LMF1: variants seen among roughly 807,000 people sequenced by gnomAD.
LMF1 encodes the protein lipase maturation factor 1.
Under a neutral mutation model 60.6 loss-of-function variants are expected in LMF1, and 68 were observed. The observed-to-expected ratio is 1.12, with a 90% CI of 0.92 to 1.37. The LOEUF is 1.37. Ranked by LOEUF, LMF1 falls within the 40% of genes most tolerant of loss-of-function variation. The pLI is 0.00. For missense variants in LMF1, 948 were observed against 767.2 expected (o/e 1.24, Z -2.78); for synonymous variants, 418 against 324.7 (o/e 1.29, Z -3.09).
intron 2 of LMF1, among the ~76,000 whole-genome samples, chr16:948,273 C>CAGCCAACGACAGAGTCAG (rs1208986325): frequency 6.7e-6 from 1 of 149,944 alleles, no homozygotes; most frequent in South Asian, 2.1e-4. Context: ...ACGACAGAGT[C>CAGCCAACGACAGAGTCAG]AGCCAACGAC....
At chr16:858,325 TGGGTGTGAGTGGTGTCTCGGGAC>T (rs2069276864) in intron 10 of LMF1, among the ~76,000 whole-genome samples, 1 of 24,544 alleles carries the variant, frequency 4.1e-5, no homozygotes, top group African/African-American at 2.7e-4. Context: ...TGTCTCGGGA[TGGGTGTGAGTGGTGTCTCGGGAC>T]GGGTGTGCAG....
chr16:974,964 C>G (rs896460271), upstream of LMF1, among the ~76,000 whole-genome samples: 1 of 152,228 alleles, frequency 6.6e-6, no homozygotes, highest in African/African-American at 2.4e-5. Context: ...GTTGCCTCCT[C>G]CTGGAAGGGT....
rs373943083 is a variant in LMF1 at position 893,029 on chromosome 16, G to T, written c.707C>A (p.Thr236Asn). Residue 236 changes from threonine to asparagine, a missense_variant, in exon 5 of 11, where the codon ACC becomes AAC. Coordinates refer to ENST00000262301, the MANE Select transcript of LMF1 (RefSeq NM_022773.4). ...IRGDRCWRDL[T>N]CMDFHYETQP... Reference sequence around the variant, plus strand: ...CACCTCATAGTGGAAGTCCATGCAGGTGAGGTCTCGCCAGCACCGGTCCCC... The same window carrying T: ...CACCTCATAGTGGAAGTCCATGCAGTTGAGGTCTCGCCAGCACCGGTCCCC... 3.9e-6 allele frequency: 6 copies of T among 1,551,456 alleles called. No homozygotes were observed. The highest frequency in any genetic ancestry group is 5.2e-6 in the Non-Finnish European group (6 of 1,147,560).
intron 3 of LMF1, among the ~76,000 whole-genome samples, chr16:918,449 G>A (rs544395792): frequency 3.3e-5 from 5 of 152,346 alleles, no homozygotes; most frequent in Admixed American, 2.0e-4. Context: ...ATTAGACTTC[G>A]CGGCAAAGAG....
chr16:867,794 C>T (rs747325229), intron 10 of LMF1, among the ~76,000 whole-genome samples: 1 of 152,116 alleles, frequency 6.6e-6, no homozygotes, highest in Admixed American at 6.5e-5. Flanking sequence ...CTGTGATACC[C>T]GTGCTGGGGA....
At chr16:938,740 C>T (rs898460810) in intron 2 of LMF1, among the ~76,000 whole-genome samples, 3 of 152,092 alleles carry the variant, frequency 2.0e-5, no homozygotes, top group Non-Finnish European at 4.4e-5. Flanking sequence ...GATGGACAGA[C>T]GAAGGGATGG....
At chr16:873,215 T>A (rs1031613654) in intron 6 of LMF1, 15 of 152,366 alleles carry the variant, frequency 9.8e-5, no homozygotes, top group Admixed American at 9.8e-4. Flanking sequence ...TGAGCGCTCC[T>A]GGGGGACCTC....
Position 871,249 on chromosome 16 carries a change from G to A in LMF1, c.990C>T (p.Phe330=). The change falls in exon 7 of 11, where the codon TTC becomes TTT. Residue 330 remains phenylalanine, a synonymous_variant. Coordinates refer to ENST00000262301, the MANE Select transcript of LMF1 (RefSeq NM_022773.4). ...GGCTGCCTGGCCCAGAGGGGAACAA[G>A]AATCCCAGGGTGGCGTCATCAAAGC... ...LACFDDATLG[F]LFPSGPGSLK... is the part of the protein sequence containing the mutation. 1.2e-6 allele frequency: 2 copies of A among 1,612,470 alleles called. No individual in the cohort carries two copies. Among genetic ancestry groups the A allele is most frequent in the Non-Finnish European group, 1.7e-6 (2 of 1,179,790 alleles).
At chr16:855,549 A>C (rs1243685852) in intron 10 of LMF1, 2 of 366,724 alleles carry the variant, frequency 5.5e-6, no homozygotes, top group East Asian at 7.3e-5. Flanking sequence ...CCGGAGGAGG[A>C]GGCGCCAGGA....
chr16:923,498 C>T (rs2071501777), intron 3 of LMF1, among the ~76,000 whole-genome samples: 1 of 152,174 alleles, frequency 6.6e-6, no homozygotes, highest in African/African-American at 2.4e-5. Context: ...ATAGTCCCGG[C>T]TACTCAGGAG....
chr16:900,852 G>C (rs774691201), intron 4 of LMF1: 7 of 152,128 alleles, frequency 4.6e-5, no homozygotes, highest in Admixed American at 3.9e-4. Context: ...CACTGCACCC[G>C]GCCAGACATC....
At chr16:969,625 G>C (rs1567339882) in intron 1 of LMF1, among the ~76,000 whole-genome samples, 1 of 152,232 alleles carries the variant, frequency 6.6e-6, no homozygotes, top group Non-Finnish European at 1.5e-5. Flanking sequence ...GAAGGAAAGG[G>C]AGACGTCCAA....
intron 10 of LMF1, chr16:855,964 T>C (rs1226352545): frequency 4.4e-6 from 2 of 455,888 alleles, no homozygotes; most frequent in South Asian, 1.5e-5. Flanking sequence ...GGGTGTGTGA[T>C]GGATGATGAT....
At chr16:911,191 T>C (rs1409889286) in intron 3 of LMF1, 112 bp from the exon 4 acceptor site, 4 of 1,257,638 alleles carry the variant, frequency 3.2e-6, no homozygotes, top group South Asian at 2.6e-5. Flanking sequence ...GGGCTGATCT[T>C]GCTACTGAGA....
chr16:870,664 T>A, intron 8 of LMF1, 65 bp downstream of exon 8: 1 of 1,577,380 alleles, frequency 6.3e-7, no homozygotes, highest in Non-Finnish European at 8.7e-7. Flanking sequence ...CACCTGAATG[T>A]GGCTGGTCAG....
chr16:870,128 A>G (rs2069738436), intron 8 of LMF1, 62 bp from the exon 9 acceptor site: 1 of 1,521,354 alleles, frequency 6.6e-7, no homozygotes, highest in Admixed American at 1.8e-5. Flanking sequence ...AGTGGGGTGC[A>G]TGGGTGGGGG....
chr16:977,147 C>A (rs1210573573), intron 1 of LMF1: 2 of 452,772 alleles, frequency 4.4e-6, no homozygotes, highest in East Asian at 1.4e-4. Flanking sequence ...CCTGTGAGCG[C>A]CAGGAAGCTT....
At chr16:907,260 G>A (rs553460614) in intron 4 of LMF1, among the ~76,000 whole-genome samples, 24 of 152,218 alleles carry the variant, frequency 1.6e-4, no homozygotes, top group African/African-American at 5.8e-4. Flanking sequence ...AATCAGCCAG[G>A]CGTGATGGCA....
chr16:939,500 C>T (rs1174843136), intron 2 of LMF1, among the ~76,000 whole-genome samples: 1 of 152,272 alleles, frequency 6.6e-6, no homozygotes, highest in Non-Finnish European at 1.5e-5. Context: ...CCTGTGGCCA[C>T]CACACGTGCC....
Sources: gnomAD v4.1 joint callset for allele counts (sites outside exome capture counted in the v4.1 genomes callset) on GRCh38, gnomAD v4.1.1 for gene constraint, MANE v1.5 for transcripts, NCBI Gene and HGNC (gene_info 2026-07-23, HGNC 2026-07-21) for gene names.